Variants in PLEK2 observed in about 807,000 individuals in gnomAD.
The protein encoded by PLEK2 is pleckstrin 2.
Under a neutral mutation model 43.8 loss-of-function variants are expected in PLEK2, and 29 were observed. That is an observed-to-expected ratio of 0.66 (90% confidence interval 0.49 to 0.90). The LOEUF (loss-of-function observed/expected upper bound fraction) is 0.90. Among genes scored for constraint, PLEK2 ranks in the 40% least tolerant of loss-of-function variants. The probability of loss-of-function intolerance (pLI) is 0.00; values close to 1 mark genes in which losing one functional copy is unlikely to be tolerated. For missense variants in PLEK2, 398 were observed against 448.1 expected (o/e 0.89, Z 1.01); for synonymous variants, 162 against 173.2 (o/e 0.94, Z 0.51).
chr14:67,397,647 G>A lies in PLEK2; in HGVS notation c.207+15C>T. 2 of 1,602,518 alleles carry A rather than the reference G, an allele frequency of 1.2e-6. No homozygotes were observed. The highest frequency in any genetic ancestry group is 1.7e-6 in the Non-Finnish European group (2 of 1,173,618). On this transcript the variant is annotated intron_variant, in intron 2 of 8. Coordinates refer to ENST00000216446, the MANE Select transcript of PLEK2 (RefSeq NM_016445.3). ...TGGAACAGAGAGGAGCTGGACAGCA[G>A]GGGCCATCACTTACCGGTCGGTTTT...
chr14:67,397,873 G>T, intron 1 of PLEK2, 47 bp from the exon 2 acceptor site: 1 of 1,526,662 alleles, frequency 6.6e-7, no homozygotes. Flanking sequence ...CAGTGGGAGG[G>T]TATGGTGTTC....
At chr14:67,409,218 G>A (rs1405869493) in intron 1 of PLEK2, among the ~76,000 whole-genome samples, 1 of 151,918 alleles carries the variant, frequency 6.6e-6, no homozygotes, top group East Asian at 1.9e-4. Flanking sequence ...ACTCCAGCCT[G>A]GGCAACAGAG....
At chr14:67,391,269 A>ATG (rs145218491) in intron 6 of PLEK2, among the ~76,000 whole-genome samples, 17,588 of 139,172 alleles carry the variant, frequency 0.13, 1,884 homozygotes, top group East Asian at 0.39. Context: ...TAAGCAGCTG[A>ATG]TATGTGTGTG....
At chr14:67,390,479 C>T (rs536191961) in intron 7 of PLEK2, among the ~76,000 whole-genome samples, 184 bp downstream of exon 7, 1 of 152,320 alleles carries the variant, frequency 6.6e-6, no homozygotes, top group Non-Finnish European at 1.5e-5. Flanking sequence ...GCTCAAGAAG[C>T]AGGCACCTAT....
intron 1 of PLEK2, among the ~76,000 whole-genome samples, chr14:67,407,986 GAAAAT>G (rs914818824): frequency 1.3e-5 from 2 of 151,804 alleles, no homozygotes; most frequent in Non-Finnish European, 2.9e-5. Flanking sequence ...ATTGTCTCTT[GAAAAT>G]AAAATAAAAT....
In PLEK2 at chr14:67,393,016, A is replaced by G. The variant is rs958689849; in HGVS notation, c.481+134T>C. Reference sequence around the variant, plus strand: ...TAGAGCCGTGGCTGCACACCCACACATGGCCATCTCAGGCTAGCCTGTTGC... The same window carrying G: ...TAGAGCCGTGGCTGCACACCCACACGTGGCCATCTCAGGCTAGCCTGTTGC... On this transcript the variant is annotated intron_variant, in intron 4 of 8. Transcript: ENST00000216446. The G allele has an allele frequency of 5.1e-5, 45 of 881,072 alleles. No individual in the cohort carries two copies. The South Asian group carries it at 6.2e-4, about 12-fold the overall frequency. The allele number at this position is 881,072 out of a possible 1,614,324, so 54.6% of individuals were successfully genotyped here.
At chr14:67,399,793 T>A (rs970190202) in intron 1 of PLEK2, among the ~76,000 whole-genome samples, 1 of 152,150 alleles carries the variant, frequency 6.6e-6, no homozygotes, top group African/African-American at 2.4e-5. Flanking sequence ...GTAGAGCCAA[T>A]GGGCAGAATA....
At chr14:67,390,523 A>C (rs2085958278) in intron 7 of PLEK2, 140 bp downstream of exon 7, 1 of 710,190 alleles carries the variant, frequency 1.4e-6, no homozygotes, top group Non-Finnish European at 2.6e-6. Flanking sequence ...GGACTGTGGA[A>C]GGAAAGGCAT....
intron 1 of PLEK2, among the ~76,000 whole-genome samples, chr14:67,403,084 T>C (rs2086059342): frequency 1.3e-5 from 2 of 152,242 alleles, no homozygotes; most frequent in South Asian, 2.1e-4. Flanking sequence ...CCAGAATTTG[T>C]ATTTGCCTGT....
At chr14:67,393,302 G>C (rs2085982505) in intron 3 of PLEK2, 61 bp from the exon 4 acceptor site, 1 of 1,136,590 alleles carries the variant, frequency 8.8e-7, no homozygotes, top group South Asian at 1.2e-5. Context: ...TATAAGGGAG[G>C]GTCCTGAGTC....
Sources: allele counts gnomAD v4.1 joint callset (sites outside exome capture counted in the v4.1 genomes callset), GRCh38; gene constraint gnomAD v4.1.1; transcripts MANE v1.5; gene names NCBI Gene and HGNC (gene_info 2026-07-23, HGNC 2026-07-21).